FBXL20: variants seen among roughly 807,000 people sequenced by gnomAD.
FBXL20 encodes F-box/LRR-repeat protein 20.
FBXL20 carries 11 observed loss-of-function variants against 64.0 expected under a neutral mutation model. The observed-to-expected ratio is 0.17, with a 90% CI of 0.11 to 0.28. The LOEUF (loss-of-function observed/expected upper bound fraction) is 0.28, where lower values mean the gene tolerates loss of function less well. FBXL20 is among the 10% of genes least tolerant of loss of function. The pLI, the probability that FBXL20 is intolerant of heterozygous loss-of-function variation, is 1.00. For missense variants in FBXL20, 303 were observed against 526.2 expected (o/e 0.58, Z 4.15); for synonymous variants, 184 against 189.0 (o/e 0.97, Z 0.22).
At chr17:39,281,502 C>T (rs1354293634) in intron 8 of FBXL20, 39 bp from the exon 9 acceptor site, 1 of 1,533,662 alleles carries the variant, frequency 6.5e-7, no homozygotes, top group Admixed American at 1.7e-5. Context: ...TGATTATTGA[C>T]ATTGTCTCAA....
chr17:39,401,285 C>G, intron 1 of FBXL20, 76 bp downstream of exon 1: 2 of 1,607,452 alleles, frequency 1.2e-6, no homozygotes, highest in Non-Finnish European at 1.7e-6. Context: ...GAGGAGGCTC[C>G]GTGCGGAGCG....
At chr17:39,373,746 A>G (rs2047939867) in intron 1 of FBXL20, among the ~76,000 whole-genome samples, 1 of 152,240 alleles carries the variant, frequency 6.6e-6, no homozygotes. Flanking sequence ...TAGTTTCCGG[A>G]AAGTAGATTA....
intron 6 of FBXL20, among the ~76,000 whole-genome samples, chr17:39,289,543 G>C (rs947592463): frequency 2.0e-5 from 3 of 152,052 alleles, no homozygotes; most frequent in Non-Finnish European, 2.9e-5. Flanking sequence ...TGTAGTCCCA[G>C]CTACTTGGGA....
chr17:39,373,440 A>G, intron 1 of FBXL20, among the ~76,000 whole-genome samples: 1 of 152,126 alleles, frequency 6.6e-6, no homozygotes, highest in South Asian at 2.1e-4. Context: ...GGGGATGTCT[A>G]TCTGATAGAC....
intron 10 of FBXL20, among the ~76,000 whole-genome samples, chr17:39,271,856 A>C (rs974091820): frequency 2.0e-5 from 3 of 152,192 alleles, no homozygotes; most frequent in Non-Finnish European, 2.9e-5. Context: ...ACCTCTGTAA[A>C]ATGGTAACAA....
At chr17:39,323,547 CCTCT>C (rs2047378017) in intron 2 of FBXL20, among the ~76,000 whole-genome samples, 1 of 119,992 alleles carries the variant, frequency 8.3e-6, no homozygotes, top group Admixed American at 7.8e-5. Flanking sequence ...TCTCTCATCA[CCTCT>C]TTCTTCTTTA....
chr17:39,256,363 G>A lies in FBXL20; in HGVS notation c.*5097C>T. 6.6e-6 allele frequency: 1 copy of A among 150,806 alleles called. No homozygotes were observed. 9.3% of individuals were successfully genotyped at this position (150,806 alleles called of 1,614,324 possible). Reference sequence around the variant, plus strand: ...AAAGAAATATAGGCGAGGAAAGGCTGTGACTCCATTTTTCCCCATTATCCT... The same window carrying A: ...AAAGAAATATAGGCGAGGAAAGGCTATGACTCCATTTTTCCCCATTATCCT... On this transcript the variant is annotated 3_prime_UTR_variant, in exon 15 of 15. Transcript: ENST00000264658.
intron 1 of FBXL20, among the ~76,000 whole-genome samples, chr17:39,383,899 T>G (rs185170869): frequency 8.9e-4 from 136 of 152,090 alleles, no homozygotes; most frequent in African/African-American, 3.1e-3. Flanking sequence ...TACTTTGTTA[T>G]GTTTTAATTT....
chr17:39,388,900 G>A (rs934131985), intron 1 of FBXL20, among the ~76,000 whole-genome samples: 1 of 149,826 alleles, frequency 6.7e-6, no homozygotes, highest in Non-Finnish European at 1.5e-5. Context: ...TCAGGAGTTC[G>A]AGACCAGCCT....
At chr17:39,339,149 C>G (rs1383857301) in intron 2 of FBXL20, among the ~76,000 whole-genome samples, 2 of 111,324 alleles carry the variant, frequency 1.8e-5, no homozygotes, top group Non-Finnish European at 3.3e-5. Flanking sequence ...ACCTGGGAGA[C>G]AGTGAGACCC....
At chr17:39,350,706 C>T (rs1247351979) in intron 1 of FBXL20, among the ~76,000 whole-genome samples, 1 of 152,100 alleles carries the variant, frequency 6.6e-6, no homozygotes, top group Non-Finnish European at 1.5e-5. Flanking sequence ...TTCTTCTGCA[C>T]ATAAGTCTCC....
chr17:39,287,618 T>C (rs557293610), intron 6 of FBXL20, among the ~76,000 whole-genome samples: 14 of 152,246 alleles, frequency 9.2e-5, no homozygotes, highest in Non-Finnish European at 1.3e-4. Flanking sequence ...ATGCCCAAGC[T>C]AGTCTCGAAC....
chr17:39,374,163 T>G (rs1350362105), intron 1 of FBXL20, among the ~76,000 whole-genome samples: 1 of 151,088 alleles, frequency 6.6e-6, no homozygotes, highest in Non-Finnish European at 1.5e-5. Context: ...AGGTGGAAGT[T>G]GCAGTGAGCC....
intron 2 of FBXL20, among the ~76,000 whole-genome samples, chr17:39,329,552 C>T (rs2144534325): frequency 6.6e-6 from 1 of 152,252 alleles, no homozygotes; most frequent in East Asian, 1.9e-4. Context: ...GTTATCTTCA[C>T]TTTGATTACT....
At chr17:39,314,666 T>C (rs905133338) in intron 2 of FBXL20, among the ~76,000 whole-genome samples, 7 of 151,280 alleles carry the variant, frequency 4.6e-5, no homozygotes, top group Admixed American at 2.6e-4. Context: ...TGGCCAGTTA[T>C]GTGGTATTTC....
intron 2 of FBXL20, among the ~76,000 whole-genome samples, chr17:39,339,755 T>C (rs927702111): frequency 1.3e-5 from 2 of 151,952 alleles, no homozygotes; most frequent in Admixed American, 6.6e-5. Context: ...TCGATTCCCC[T>C]GTCTCAGCCT....
In FBXL20 at chr17:39,401,550, G is replaced by C; in HGVS notation, c.-148C>G. ...GTGGGACGGGAACAAGAGACCTCTCGGCTCCGGCTAGGCCTCCACCACCTC... is the reference window on the plus strand; with the variant it reads ...GTGGGACGGGAACAAGAGACCTCTCCGCTCCGGCTAGGCCTCCACCACCTC... On this transcript the variant is annotated 5_prime_UTR_variant, in exon 1 of 15. Transcript: ENST00000264658. The C allele has an allele frequency of 7.0e-7, 1 of 1,429,706 alleles. No individual in the cohort carries two copies. The highest frequency in any genetic ancestry group is 2.7e-5 in the East Asian group (1 of 37,114). The allele number at this position is 1,429,706 out of a possible 1,614,324, so 88.6% of individuals were successfully genotyped here.
upstream of FBXL20, chr17:39,402,066 A>G (rs1050017304): frequency 8.0e-6 from 8 of 1,001,682 alleles, no homozygotes; most frequent in African/African-American, 1.2e-4. Context: ...CCTGCACAGA[A>G]CCTCAGCCTC....
At chr17:39,286,002 A>G (rs867775735) in intron 6 of FBXL20, among the ~76,000 whole-genome samples, 3 of 152,242 alleles carry the variant, frequency 2.0e-5, no homozygotes, top group African/African-American at 4.8e-5. Context: ...AACCTTTTGC[A>G]TAACACTAAT....
Sources: allele counts gnomAD v4.1 joint callset (sites outside exome capture counted in the v4.1 genomes callset), GRCh38; gene constraint gnomAD v4.1.1; transcripts MANE v1.5; gene names NCBI Gene and HGNC (gene_info 2026-07-23, HGNC 2026-07-21).